CTNNA3: variants seen among roughly 807,000 people sequenced by gnomAD.
CTNNA3 encodes the protein catenin alpha-3.
A neutral mutation model predicts 95.7 loss-of-function variants in CTNNA3; 76 were observed. The observed-to-expected ratio is 0.79, with a 90% CI of 0.66 to 0.96. The LOEUF is 0.96. Ranked by LOEUF, CTNNA3 falls within the 40% of genes least tolerant of loss-of-function variation. CTNNA3 has a pLI of 0.00. For synonymous variants in CTNNA3, 431 were observed against 374.4 expected, an observed-to-expected ratio of 1.15 and a Z score of -1.74; for missense variants, 1,191 against 1,089.8, an observed-to-expected ratio of 1.09 and a Z score of -1.31.
intron 11 of CTNNA3, among the ~76,000 whole-genome samples, chr10:66,387,112 G>C (rs1025097420): frequency 6.6e-6 from 1 of 151,986 alleles, no homozygotes; most frequent in Non-Finnish European, 1.5e-5. Flanking sequence ...TAATTAAACT[G>C]AAGAGCTTCT....
chr10:66,980,088 A>G (rs898972481), intron 7 of CTNNA3, among the ~76,000 whole-genome samples: 3 of 152,184 alleles, frequency 2.0e-5, no homozygotes, highest in African/African-American at 7.2e-5. Context: ...CTTGTAAAGC[A>G]CCAACTGTAT....
At chr10:67,468,366 TA>T (rs111964383) in intron 5 of CTNNA3, among the ~76,000 whole-genome samples, 3,624 of 149,046 alleles carry the variant, frequency 0.024, 157 homozygotes, top group African/African-American at 0.081. Context: ...CTGTTCCTTT[TA>T]AAAAAAAAAT....
At chr10:67,495,064 T>G (rs1326573066) in intron 5 of CTNNA3, among the ~76,000 whole-genome samples, 1 of 152,210 alleles carries the variant, frequency 6.6e-6, no homozygotes, top group Admixed American at 6.5e-5. Context: ...CATTCTGTAT[T>G]ATTTTATCTG....
Position 67,758,289 on chromosome 10 carries a change from T to TAC in CTNNA3, c.-2+5143_-2+5144dup, listed in dbSNP as rs760301884. Among the ~76,000 whole-genome samples, 722 of 139,992 alleles carry TAC rather than the reference T, an allele frequency of 5.2e-3. 6 individuals are homozygous for TAC. Among genetic ancestry groups the TAC allele is most frequent in the East Asian group, 0.023 (113 of 4,856 alleles). 91.8% of individuals were successfully genotyped at this position (139,992 alleles called of 152,430 possible). A position where few individuals can be genotyped will look rare whatever the true frequency, so the allele number is the denominator to read the frequency against. ...AAATCTCCTCATGTGTATATGTATA[T>TAC]ACACACACACACACACATATATATA... On this transcript the variant is annotated intron_variant, in intron 1 of 17. Coordinates refer to the CTNNA3 transcript ENST00000684154.
intron 17 of CTNNA3, 78 bp downstream of exon 17, chr10:65,966,534 G>C (rs1022299592): frequency 1.7e-5 from 21 of 1,200,288 alleles, no homozygotes; most frequent in Non-Finnish European, 2.2e-5. Flanking sequence ...AAAAGATTTG[G>C]TCATGTAAAC....
At chr10:66,569,630 G>T (rs1842809473) in intron 10 of CTNNA3, among the ~76,000 whole-genome samples, 1 of 152,080 alleles carries the variant, frequency 6.6e-6, no homozygotes. Flanking sequence ...TTTGATGGTA[G>T]GTGTTAGCAT....
At chr10:65,996,495 C>A (rs1159307935) in intron 15 of CTNNA3, among the ~76,000 whole-genome samples, 1 of 152,134 alleles carries the variant, frequency 6.6e-6, no homozygotes, top group Non-Finnish European at 1.5e-5. Context: ...GCAGGGGCTG[C>A]TGAGCCCCAG....
At chr10:66,889,937 C>T (rs1845200158) in intron 7 of CTNNA3, among the ~76,000 whole-genome samples, 1 of 151,932 alleles carries the variant, frequency 6.6e-6, no homozygotes, top group African/African-American at 2.4e-5. Flanking sequence ...ATTACAGGCT[C>T]ACGCCACCAC....
chr10:66,382,225 C>A (rs991823595), intron 11 of CTNNA3, among the ~76,000 whole-genome samples: 1 of 152,122 alleles, frequency 6.6e-6, no homozygotes, highest in African/African-American at 2.4e-5. Context: ...CACTCCCTGC[C>A]CAAATACTGC....
At chr10:66,509,903 C>A (rs1048536138) in intron 11 of CTNNA3, among the ~76,000 whole-genome samples, 2 of 151,752 alleles carry the variant, frequency 1.3e-5, no homozygotes, top group East Asian at 1.9e-4. Flanking sequence ...TGGTTCCAGA[C>A]AATTTTAGGA....
intron 5 of CTNNA3, among the ~76,000 whole-genome samples, chr10:67,488,750 A>G (rs1848545534): frequency 6.7e-6 from 1 of 148,538 alleles, no homozygotes; most frequent in Admixed American, 6.7e-5. Context: ...GCTCACTGCA[A>G]CCTCCGGCTC....
At chr10:66,567,773 T>C (rs539897812) in intron 10 of CTNNA3, among the ~76,000 whole-genome samples, 94 of 152,306 alleles carry the variant, frequency 6.2e-4, no homozygotes, top group Middle Eastern at 3.4e-3. Flanking sequence ...CACTCAACCA[T>C]GTTCAATCTT....
chr10:66,704,135 T>C (rs1029809435), intron 9 of CTNNA3, among the ~76,000 whole-genome samples: 2 of 152,262 alleles, frequency 1.3e-5, no homozygotes, highest in Admixed American at 1.3e-4. Context: ...TTTTTATTGT[T>C]AGCTGTATAC....
At chr10:66,363,475 G>C (rs1283580560) in intron 12 of CTNNA3, among the ~76,000 whole-genome samples, 3 of 152,076 alleles carry the variant, frequency 2.0e-5, no homozygotes, top group African/African-American at 4.8e-5. Context: ...CCAGAAAGAG[G>C]GCCCTCACCA....
chr10:65,942,053 A>G (rs2077438931), intron 17 of CTNNA3, among the ~76,000 whole-genome samples: 1 of 152,152 alleles, frequency 6.6e-6, no homozygotes, highest in Non-Finnish European at 1.5e-5. Flanking sequence ...TATGTTTCAC[A>G]AGGGTGTTTA....
intron 1 of CTNNA3, among the ~76,000 whole-genome samples, chr10:67,709,378 T>C (rs527811339): frequency 6.6e-6 from 1 of 152,244 alleles, no homozygotes; most frequent in South Asian, 2.1e-4. Context: ...TACATGAATG[T>C]CCACTGGGAA....
chr10:67,387,479 G>C (rs920208655), intron 5 of CTNNA3, among the ~76,000 whole-genome samples: 3 of 152,186 alleles, frequency 2.0e-5, no homozygotes, highest in African/African-American at 4.8e-5. Context: ...AGCGAGGCTG[G>C]GGGAGGGGCG....
intron 5 of CTNNA3, among the ~76,000 whole-genome samples, chr10:67,441,300 C>G (rs912424228): frequency 6.6e-6 from 1 of 150,996 alleles, no homozygotes; most frequent in African/African-American, 2.4e-5. Context: ...ATGTAGCATG[C>G]CTTCAAGATC....
intron 16 of CTNNA3, among the ~76,000 whole-genome samples, chr10:65,982,548 C>CAT (rs1340253519): frequency 5.3e-5 from 2 of 37,444 alleles, no homozygotes; most frequent in African/African-American, 1.5e-4. Flanking sequence ...AAGATACTTG[C>CAT]ACACACGTTT....
Sources: allele counts gnomAD v4.1 joint callset (sites outside exome capture counted in the v4.1 genomes callset), GRCh38; gene constraint gnomAD v4.1.1; transcripts MANE v1.5; gene names NCBI Gene and HGNC (gene_info 2026-07-23, HGNC 2026-07-21).